MYO3B: variants seen among roughly 807,000 people sequenced by gnomAD.
MYO3B encodes myosin IIIB.
In MYO3B, 156 loss-of-function variants were observed where a neutral mutation model predicts 174.6. The observed-to-expected ratio is 0.89, with a 90% confidence interval of 0.78 to 1.02. The LOEUF is 1.02. MYO3B is among the 50% of genes least tolerant of loss of function. The pLI is 0.00. For synonymous variants in MYO3B, 563 were observed against 569.1 expected (o/e 0.99, Z 0.15); for missense variants, 1,632 against 1,639.4 (o/e 1.00, Z 0.08).
chr2:170,261,047 G>A (rs979929060), intron 7 of MYO3B, among the ~76,000 whole-genome samples: 2 of 152,086 alleles, frequency 1.3e-5, no homozygotes, highest in African/African-American at 4.8e-5. Context: ...TTTTGAGACG[G>A]AGTTTCACCC....
At chr2:170,573,649 A>G (rs1021236817) in intron 32 of MYO3B, among the ~76,000 whole-genome samples, 1 of 152,168 alleles carries the variant, frequency 6.6e-6, no homozygotes, top group African/African-American at 2.4e-5. Flanking sequence ...ATAAGCTCTA[A>G]GGGGAGGGAA....
chr2:170,186,898 T>C (rs1245300441), intron 1 of MYO3B, among the ~76,000 whole-genome samples: 1 of 152,120 alleles, frequency 6.6e-6, no homozygotes, highest in African/African-American at 2.4e-5. Flanking sequence ...ATTTTTCCAA[T>C]TTATTGATAT....
intron 7 of MYO3B, among the ~76,000 whole-genome samples, chr2:170,309,383 A>G (rs1445937931): frequency 6.6e-6 from 1 of 152,114 alleles, no homozygotes; most frequent in Non-Finnish European, 1.5e-5. Context: ...ATCTTTATAC[A>G]TGTTGTTTCC....
intron 25 of MYO3B, among the ~76,000 whole-genome samples, chr2:170,478,052 G>A (rs1685422820): frequency 6.6e-6 from 1 of 152,162 alleles, no homozygotes. Flanking sequence ...GGAGCAGGAT[G>A]AATGGCTAAG....
chr2:170,514,997 C>T lies in MYO3B; in HGVS notation c.3447C>T (p.Asp1149=). ...AGTRGSAEVQ[D]CSEPGDHKVL... ...CGAGGGGAAGTGCCGAGGTTCAAGACTGCAGCGAGCCTGGTGACCATAAAG... is the reference window on the plus strand; with the variant it reads ...CGAGGGGAAGTGCCGAGGTTCAAGATTGCAGCGAGCCTGGTGACCATAAAG... Residue 1149 remains aspartate, a synonymous_variant, in exon 29 of 35, where the codon GAC becomes GAT. Transcript: ENST00000408978. 6 of 1,614,032 alleles carry T rather than the reference C, an allele frequency of 3.7e-6. No individual in the cohort carries two copies. Among genetic ancestry groups the T allele is most frequent in the Non-Finnish European group, 5.1e-6 (6 of 1,179,950 alleles).
intron 17 of MYO3B, 87 bp downstream of exon 17, chr2:170,400,401 C>CT (rs2094467253): frequency 8.3e-7 from 1 of 1,208,712 alleles, no homozygotes; most frequent in Admixed American, 2.9e-5. Flanking sequence ...ATTTGCTGGT[C>CT]CTTTTTTTTT....
At chr2:170,297,196 C>T (rs927639381) in intron 7 of MYO3B, among the ~76,000 whole-genome samples, 20 of 152,272 alleles carry the variant, frequency 1.3e-4, no homozygotes, top group African/African-American at 4.3e-4. Flanking sequence ...AGGTATGCCA[C>T]TAGGTGCTGG....
At chr2:170,231,025 T>G (rs1035627) in intron 6 of MYO3B, among the ~76,000 whole-genome samples, 2,380 of 152,342 alleles carry the variant, frequency 0.016, 73 homozygotes, top group African/African-American at 0.054. Context: ...GTTGTTTTTC[T>G]CTGCCATTTT....
chr2:170,562,587 T>C (rs1385923753), intron 32 of MYO3B, among the ~76,000 whole-genome samples: 3 of 152,196 alleles, frequency 2.0e-5, no homozygotes, highest in African/African-American at 7.2e-5. Flanking sequence ...GATGAGTAAG[T>C]TGAGTCAAAT....
intron 7 of MYO3B, among the ~76,000 whole-genome samples, chr2:170,259,162 C>T (rs1324549258): frequency 6.6e-6 from 1 of 152,166 alleles, no homozygotes; most frequent in African/African-American, 2.4e-5. Flanking sequence ...AGATTCAACA[C>T]TATTCCTATG....
At chr2:170,193,506 T>A (rs1250741276) in intron 1 of MYO3B, among the ~76,000 whole-genome samples, 1 of 152,168 alleles carries the variant, frequency 6.6e-6, no homozygotes, top group Non-Finnish European at 1.5e-5. Context: ...TATTAAAGAA[T>A]CTTAATTGAT....
At chr2:170,368,407 T>C (rs2105678787) in intron 8 of MYO3B, among the ~76,000 whole-genome samples, 1 of 152,330 alleles carries the variant, frequency 6.6e-6, no homozygotes, top group South Asian at 2.1e-4. Flanking sequence ...GGGATATTCG[T>C]CAGATTCAAT....
intron 7 of MYO3B, among the ~76,000 whole-genome samples, chr2:170,290,310 A>C (rs2883757): frequency 5.3e-5 from 8 of 152,294 alleles, no homozygotes; most frequent in Admixed American, 2.6e-4. Flanking sequence ...ACTGCAATCT[A>C]TCTCTCCCTT....
At position 170,651,736 on chromosome 2, in the gene MYO3B, T is replaced by C; in HGVS notation, c.3840+2T>C. On this transcript the variant is annotated splice_donor_variant, in intron 33 of 34. Coordinates refer to ENST00000408978, the MANE Select transcript of MYO3B (RefSeq NM_138995.5). LOFTEE classifies it high-confidence loss of function. ...ACCATGTACTATAACCAGTTAAATG[T>C]GAGTTCAAAGTGGCCGTAAAGCTGT... is the stretch of plus-strand genomic sequence containing the variant. 1 of 1,612,498 alleles carries C rather than the reference T, an allele frequency of 6.2e-7. No homozygotes were observed. The highest frequency in any genetic ancestry group is 1.7e-4 in the Middle Eastern group (1 of 6,058).
intron 19 of MYO3B, among the ~76,000 whole-genome samples, chr2:170,403,781 T>C (rs890063352): frequency 7.2e-5 from 11 of 152,216 alleles, no homozygotes; most frequent in Non-Finnish European, 1.3e-4. Context: ...TAAATCTGTA[T>C]AGCACTCCTC....
chr2:170,455,811 A>G (rs1683874706), intron 23 of MYO3B, among the ~76,000 whole-genome samples: 1 of 152,196 alleles, frequency 6.6e-6, no homozygotes, highest in African/African-American at 2.4e-5. Flanking sequence ...GATGTTTATC[A>G]TGTGGGCAGA....
chr2:170,298,656 G>A (rs1190388479), intron 7 of MYO3B, among the ~76,000 whole-genome samples: 3 of 144,808 alleles, frequency 2.1e-5, no homozygotes, highest in African/African-American at 7.7e-5. Flanking sequence ...TCCAGCCTCG[G>A]TGACAGAGCA....
intron 7 of MYO3B, among the ~76,000 whole-genome samples, chr2:170,280,454 C>A (rs1400443396): frequency 1.3e-5 from 2 of 152,092 alleles, no homozygotes; most frequent in Non-Finnish European, 2.9e-5. Context: ...CGTGCGGAAG[C>A]TCTTAAGTTT....
chr2:170,487,952 A>G (rs909096384), intron 25 of MYO3B, among the ~76,000 whole-genome samples: 1 of 152,222 alleles, frequency 6.6e-6, no homozygotes, highest in African/African-American at 2.4e-5. Flanking sequence ...GGGGAAAAAA[A>G]TAGAGAAATA....
Sources: gnomAD v4.1 joint callset for allele counts (sites outside exome capture counted in the v4.1 genomes callset) on GRCh38, gnomAD v4.1.1 for gene constraint, MANE v1.5 for transcripts, NCBI Gene and HGNC (gene_info 2026-07-23, HGNC 2026-07-21) for gene names.